The following ADGRG7 variants were observed in gnomAD, a reference collection of about 807,000 sequenced individuals.
The protein encoded by ADGRG7 is G-protein coupled receptor 128.
ADGRG7 carries 82 observed loss-of-function variants against 88.6 expected under a neutral mutation model. The ratio of observed to expected loss-of-function variants is 0.93; its 90% confidence interval spans 0.77 to 1.11. The LOEUF is 1.11. Among genes scored for constraint, ADGRG7 ranks in the 50% most tolerant of loss-of-function variants. The probability of loss-of-function intolerance (pLI) is 0.00; values close to 1 mark genes in which losing one functional copy is unlikely to be tolerated. For synonymous variants in ADGRG7, 381 were observed against 345.2 expected, an observed-to-expected ratio of 1.10 and a Z score of -1.15; for missense variants, 945 against 953.4, an observed-to-expected ratio of 0.99 and a Z score of 0.12.
chr3:100,618,514 A>G (rs1378906857), intron 1 of ADGRG7, among the ~76,000 whole-genome samples: 2 of 152,178 alleles, frequency 1.3e-5, no homozygotes, highest in African/African-American at 2.4e-5. Context: ...TTTGTCAAAG[A>G]TCAGATGGTT....
chr3:100,641,163 C>A (rs1707636236), intron 6 of ADGRG7, among the ~76,000 whole-genome samples: 1 of 152,098 alleles, frequency 6.6e-6, no homozygotes, highest in Admixed American at 6.5e-5. Context: ...CGTTCAAGTG[C>A]AAAGTTTAAG....
chr3:100,660,564 C>T (rs1254127520), intron 14 of ADGRG7, among the ~76,000 whole-genome samples: 1 of 152,136 alleles, frequency 6.6e-6, no homozygotes, highest in Non-Finnish European at 1.5e-5. Context: ...GTTGGCCTCC[C>T]AAAGTGCTGA....
rs748049635 is a variant in ADGRG7, at chr3:100,629,610, C to T, written c.128C>T (p.Ser43Phe). Residue 43 changes from serine to phenylalanine, a missense_variant, in exon 2 of 16, where the codon TCC (serine) becomes TTC (phenylalanine). Ser to Phe is a radical substitution (Grantham distance 155). Transcript: ENST00000273352. ...VIRIQRGKST[S>F]SSSTPTEFCR... ...ATTGTTTCTTTAGGAAAATCTACTT[C>T]CTCATCAAGCACCCCTACAGAGTTC... 12 of 1,611,412 alleles carry T rather than the reference C, an allele frequency of 7.4e-6. No individual in the cohort carries two copies. Among genetic ancestry groups the T allele is most frequent in the Non-Finnish European group, 1.0e-5 (12 of 1,178,010 alleles).
intron 1 of ADGRG7, among the ~76,000 whole-genome samples, chr3:100,616,812 T>C (rs1295601029): frequency 6.6e-6 from 1 of 152,090 alleles, no homozygotes; most frequent in Non-Finnish European, 1.5e-5. Flanking sequence ...CAGAGGGAGA[T>C]CCTGTCTCTA....
rs72620018 is a variant in ADGRG7 at position 100,657,702 on chromosome 3, C to T, written c.1823+1707C>T. Among the ~76,000 whole-genome samples, 4,880 of 152,262 alleles carry T rather than the reference C, an allele frequency of 0.032. 389 individuals carry two copies. In the East Asian group the frequency reaches 0.35, roughly 11 times the overall value. On this transcript the variant is annotated intron_variant, in intron 13 of 15. Transcript: ENST00000273352. Reference sequence around the variant, plus strand: ...TGCTCTGCAGACCTCAAGTCCATAGCTATTTGTCAGATCAACCTCCACCAT... The same window carrying T: ...TGCTCTGCAGACCTCAAGTCCATAGTTATTTGTCAGATCAACCTCCACCAT...
At chr3:100,659,917 A>G (rs2094943038) in intron 14 of ADGRG7, 74 bp downstream of exon 14, 1 of 1,398,820 alleles carries the variant, frequency 7.1e-7, no homozygotes, top group African/African-American at 1.4e-5. Flanking sequence ...TAACACATCC[A>G]CAGTTTCAGA....
At chr3:100,610,334 T>C (rs556099229) in intron 1 of ADGRG7, among the ~76,000 whole-genome samples, 1 of 152,134 alleles carries the variant, frequency 6.6e-6, no homozygotes. Context: ...GACACACACA[T>C]GCATCAAACA....
rs767903502 is a variant in ADGRG7 at position 100,630,724 on chromosome 3, TA to T, written c.250del (p.Thr84ProfsTer46). 1.4e-6 allele frequency: 2 copies of T among 1,424,676 alleles called. No homozygotes were observed. The highest frequency in any genetic ancestry group is 1.7e-5 in the South Asian group (1 of 57,292). The allele number at this position is 1,424,676 out of a possible 1,614,324, so 88.3% of individuals were successfully genotyped here. A position where few individuals can be genotyped will look rare whatever the true frequency, so the allele number is the denominator to read the frequency against. Reference sequence around the variant, plus strand: ...TTACAGCTAATTTTTGTGAAAATAGTACCTATATGGGTTTTACTTTTGCCAG... The same window carrying T: ...TTACAGCTAATTTTTGTGAAAATAGTCCTATATGGGTTTTACTTTTGCCAG... Reference protein sequence around the residue: ...CTIANFCENSTYMGFTFARIP... With the variant: ...CTIANFCENSXYMGFTFARIP... On this transcript the variant is annotated frameshift_variant, in exon 3 of 16. Transcript: ENST00000273352. LOFTEE classifies it high-confidence loss of function.
At chr3:100,674,778 CATG>C (rs1316164620) in intron 15 of ADGRG7, among the ~76,000 whole-genome samples, 2 of 152,210 alleles carry the variant, frequency 1.3e-5, no homozygotes, top group East Asian at 3.9e-4. Context: ...GGGGTTTCAC[CATG>C]TTAACCAGGA....
At chr3:100,629,267 C>CTCTATCTATCTATCTA (rs58092447) in intron 1 of ADGRG7, among the ~76,000 whole-genome samples, 1 of 149,032 alleles carries the variant, frequency 6.7e-6, no homozygotes, top group South Asian at 2.2e-4. Flanking sequence ...TCCATGTTGA[C>CTCTATCTATCTATCTA]TCTATCTATC....
intron 10 of ADGRG7, 146 bp downstream of exon 10, chr3:100,646,870 G>A (rs978792862): frequency 2.5e-6 from 2 of 797,168 alleles, no homozygotes; most frequent in Non-Finnish European, 1.9e-6. Flanking sequence ...TAAAATAATG[G>A]GACTTAAGGC....
At chr3:100,669,449 G>A (rs1336981825) in intron 15 of ADGRG7, among the ~76,000 whole-genome samples, 1 of 145,648 alleles carries the variant, frequency 6.9e-6, no homozygotes, top group Admixed American at 7.3e-5. Flanking sequence ...CACGAGAATG[G>A]CTTGAACCCG....
chr3:100,649,060 A>G (rs1259101903), intron 10 of ADGRG7, among the ~76,000 whole-genome samples: 1 of 152,232 alleles, frequency 6.6e-6, no homozygotes, highest in Admixed American at 6.5e-5. Context: ...GCATCAATTT[A>G]GATATACTTA....
In ADGRG7 at chr3:100,669,284, A is replaced by C. The variant is rs188359064; in HGVS notation, c.2136+179A>C. Reference sequence around the variant, plus strand: ...GGCGGATCACGAGGTCAGGAGATTGAGACCATCCTGGATAACATGGGGAAA... The same window carrying C: ...GGCGGATCACGAGGTCAGGAGATTGCGACCATCCTGGATAACATGGGGAAA... On this transcript the variant is annotated intron_variant, in intron 15 of 15. Transcript: ENST00000273352. 8.0e-4 allele frequency among the ~76,000 whole-genome samples: 122 copies of C among 152,110 alleles called. 3 individuals are homozygous for C. In the East Asian group the frequency reaches 0.022, roughly 28 times the overall value.
chr3:100,646,609 T>C lies in ADGRG7; in HGVS notation c.1151T>C (p.Val384Ala), dbSNP rs779836847. Residue 384 changes from valine to alanine, a missense_variant, in exon 10 of 16, where the codon GTC becomes GCC. Coordinates refer to ENST00000273352, the MANE Select transcript of ADGRG7 (RefSeq NM_032787.3). Reference protein sequence around the residue: ...KEFQLYSYACVYWNLSAKDWD... With the variant: ...KEFQLYSYACAYWNLSAKDWD... ...TTTCAACTCTATTCCTATGCCTGTG[T>C]CTATTGGAATTTGTCAGCGAAGGAC... The C allele has an allele frequency of 6.2e-7, 1 of 1,613,952 alleles. No individual in the cohort carries two copies. Among genetic ancestry groups the C allele is most frequent in the Non-Finnish European group, 8.5e-7 (1 of 1,179,814 alleles).
At chr3:100,673,216 G>A (rs1432329024) in intron 15 of ADGRG7, among the ~76,000 whole-genome samples, 1 of 152,012 alleles carries the variant, frequency 6.6e-6, no homozygotes, top group Non-Finnish European at 1.5e-5. Context: ...TTGATTGGTA[G>A]GCTATTAATT....
At chr3:100,668,883 T>G in intron 14 of ADGRG7, 66 bp from the exon 15 acceptor site, 1 of 1,164,770 alleles carries the variant, frequency 8.6e-7, no homozygotes, top group Non-Finnish European at 1.2e-6. Context: ...AATAGGAGAG[T>G]AATAATGACG....
chr3:100,610,496 CTAATCAAAAATT>C (rs1185379554), intron 1 of ADGRG7, among the ~76,000 whole-genome samples: 43 of 152,188 alleles, frequency 2.8e-4, no homozygotes, highest in African/African-American at 8.4e-4. Context: ...ATGTAGGAAA[CTAATCAAAAATT>C]TAAAAACCAT....
intron 14 of ADGRG7, 52 bp downstream of exon 14, chr3:100,659,895 A>T: frequency 1.9e-6 from 3 of 1,547,546 alleles, no homozygotes; most frequent in Non-Finnish European, 2.7e-6. Context: ...TCCAGCACTT[A>T]ACGCAGCACC....
Sources: allele counts gnomAD v4.1 joint callset (sites outside exome capture counted in the v4.1 genomes callset), GRCh38; gene constraint gnomAD v4.1.1; transcripts MANE v1.5; gene names NCBI Gene and HGNC (gene_info 2026-07-23, HGNC 2026-07-21).